SAMD4A: variants seen among roughly 807,000 people sequenced by gnomAD.
SAMD4A encodes protein Smaug homolog 1.
In SAMD4A, 33 loss-of-function variants were observed where a neutral mutation model predicts 81.3. The ratio of observed to expected loss-of-function variants is 0.41; its 90% CI spans 0.31 to 0.54. The LOEUF (loss-of-function observed/expected upper bound fraction) is 0.54. Among genes scored for constraint, SAMD4A ranks in the 20% least tolerant of loss-of-function variants. The pLI is 0.37. For missense variants in SAMD4A, 854 were observed against 951.1 expected, an observed-to-expected ratio of 0.90 and a Z score of 1.34; for synonymous variants, 389 against 382.1, an observed-to-expected ratio of 1.02 and a Z score of -0.21.
rs59867028 is a variant in SAMD4A at position 54,716,109 on chromosome 14, G to C, written c.715+13529G>C. On this transcript the variant is annotated intron_variant, in intron 3 of 12. Transcript: ENST00000554335. The stretch of plus-strand genomic sequence containing the variant: ...GAAGGCTCTTTGTTTTAAGAGATCT[G>C]ATAAATATTTAGCATGTTACTGGTC... Among the ~76,000 whole-genome samples, 2,232 of 152,268 alleles carry C rather than the reference G, an allele frequency of 0.015. 76 individuals carry two copies. The East Asian group carries it at 0.15, about 10-fold the overall frequency.
chr14:54,586,974 G>A (rs926595141), intron 2 of SAMD4A, among the ~76,000 whole-genome samples: 1 of 152,022 alleles, frequency 6.6e-6, no homozygotes, highest in Non-Finnish European at 1.5e-5. Context: ...AACGATGGTG[G>A]TATTTTGATG....
At chr14:54,624,696 A>G (rs1490149297) in intron 2 of SAMD4A, among the ~76,000 whole-genome samples, 2 of 152,264 alleles carry the variant, frequency 1.3e-5, no homozygotes, top group Non-Finnish European at 2.9e-5. Context: ...ATATGGCTAT[A>G]CAATTATCCT....
chr14:54,584,510 ACT>A (rs1016982064), intron 2 of SAMD4A, among the ~76,000 whole-genome samples: 1 of 152,278 alleles, frequency 6.6e-6, no homozygotes, highest in East Asian at 1.9e-4. Context: ...ATTAAAGAAG[ACT>A]CTGTCAAGTT....
intron 3 of SAMD4A, among the ~76,000 whole-genome samples, chr14:54,718,751 C>G (rs531506908): frequency 1.1e-4 from 17 of 152,178 alleles, no homozygotes; most frequent in African/African-American, 3.9e-4. Flanking sequence ...CGCCTGTAAT[C>G]CCAGCACTTT....
intron 2 of SAMD4A, among the ~76,000 whole-genome samples, chr14:54,677,801 A>G (rs571984145): frequency 2.0e-5 from 3 of 152,292 alleles, no homozygotes; most frequent in East Asian, 3.9e-4. Context: ...AAAGAGGAAC[A>G]TTCTCTCCTA....
At chr14:54,716,728 G>T (rs757372807) in intron 3 of SAMD4A, among the ~76,000 whole-genome samples, 4 of 152,144 alleles carry the variant, frequency 2.6e-5, no homozygotes, top group Admixed American at 6.5e-5. Context: ...TTGGCAATGT[G>T]TCTAACAGTC....
chr14:54,581,972 G>A (rs1037392235), intron 2 of SAMD4A, among the ~76,000 whole-genome samples: 1 of 152,148 alleles, frequency 6.6e-6, no homozygotes, highest in African/African-American at 2.4e-5. Flanking sequence ...ATTGTTCTTT[G>A]TTGTTATTAT....
At chr14:54,774,172 C>A (rs1247764873) in intron 9 of SAMD4A, among the ~76,000 whole-genome samples, 1 of 152,206 alleles carries the variant, frequency 6.6e-6, no homozygotes, top group African/African-American at 2.4e-5. Flanking sequence ...ACCTGCTGAG[C>A]CTGCGTGCCA....
At chr14:54,768,161 A>T (rs2038601452) in intron 8 of SAMD4A, among the ~76,000 whole-genome samples, 1 of 152,062 alleles carries the variant, frequency 6.6e-6, no homozygotes, top group Non-Finnish European at 1.5e-5. Flanking sequence ...TAGTTTAGAG[A>T]CCTTGAAGTC....
intron 2 of SAMD4A, among the ~76,000 whole-genome samples, chr14:54,602,755 C>G (rs987440071): frequency 3.3e-5 from 5 of 151,470 alleles, no homozygotes; most frequent in Non-Finnish European, 5.9e-5. Flanking sequence ...ATGTAACAAA[C>G]CTGCACGTTG....
At chr14:54,584,410 G>T (rs2033559772) in intron 2 of SAMD4A, among the ~76,000 whole-genome samples, 1 of 152,142 alleles carries the variant, frequency 6.6e-6, no homozygotes, top group African/African-American at 2.4e-5. Context: ...TCTATCAGAG[G>T]AGTTGCTGTT....
chr14:54,725,522 A>C (rs1480147793), intron 3 of SAMD4A, among the ~76,000 whole-genome samples: 1 of 152,228 alleles, frequency 6.6e-6, no homozygotes, highest in East Asian at 1.9e-4. Flanking sequence ...AAATCTGTGA[A>C]ACACTATCAA....
chr14:54,774,757 T>A (rs983301890), intron 9 of SAMD4A, among the ~76,000 whole-genome samples, 177 bp from the exon 10 acceptor site: 1 of 139,800 alleles, frequency 7.2e-6, no homozygotes, highest in Non-Finnish European at 1.5e-5. Flanking sequence ...AAGGCTGCAG[T>A]GAGCCTAGAT....
intron 4 of SAMD4A, among the ~76,000 whole-genome samples, chr14:54,748,502 G>T (rs1305738777): frequency 1.3e-5 from 2 of 152,102 alleles, no homozygotes; most frequent in Non-Finnish European, 2.9e-5. Flanking sequence ...CCTCTGCCCA[G>T]AAAACTCCCC....
rs141895781 is a variant in SAMD4A, at chr14:54,697,194, C to T, written c.197-4868C>T. 2.8e-4 allele frequency among the ~76,000 whole-genome samples: 43 copies of T among 152,286 alleles called. No individual in the cohort carries two copies. In the East Asian group the frequency reaches 6.6e-3, roughly 23 times the overall value. ...TTCCGTTTGAAGGTAGAGATGTTCACGCTTGTCAGCACCCTGGGGATACTC... is the reference window on the plus strand; with the variant it reads ...TTCCGTTTGAAGGTAGAGATGTTCATGCTTGTCAGCACCCTGGGGATACTC... On this transcript the variant is annotated intron_variant, in intron 2 of 12. Coordinates refer to ENST00000554335, the MANE Select transcript of SAMD4A (RefSeq NM_015589.6).
rs117718747 is a variant in SAMD4A at position 54,789,492 on chromosome 14, G to A, written c.*548G>A. On this transcript the variant is annotated 3_prime_UTR_variant, in exon 13 of 13. Transcript: ENST00000554335. ...CAGCCATAGGAGAGGGCCCATGGCAGTAGGGGAAAGAAGGAAGAAATTCCC... is the reference window on the plus strand; with the variant it reads ...CAGCCATAGGAGAGGGCCCATGGCAATAGGGGAAAGAAGGAAGAAATTCCC... 4.8e-3 allele frequency: 737 copies of A among 153,652 alleles called. 24 individuals are homozygous for A. Among genetic ancestry groups the A allele is most frequent in the Admixed American group, 0.04 (627 of 15,510 alleles). 9.5% of individuals were successfully genotyped at this position (153,652 alleles called of 1,614,324 possible). A position where few individuals can be genotyped will look rare whatever the true frequency, so the allele number is the denominator to read the frequency against.
intron 4 of SAMD4A, among the ~76,000 whole-genome samples, chr14:54,743,222 A>G (rs1198801589): frequency 6.6e-6 from 1 of 152,228 alleles, no homozygotes; most frequent in Admixed American, 6.5e-5. Flanking sequence ...GAAACTGGTC[A>G]TTATTTTCTT....
chr14:54,655,276 A>G (rs1379891875), intron 2 of SAMD4A, among the ~76,000 whole-genome samples: 1 of 152,168 alleles, frequency 6.6e-6, no homozygotes, highest in African/African-American at 2.4e-5. Flanking sequence ...AGTGGATGCT[A>G]GGGTGGCAAT....
chr14:54,707,101 ACT>A (rs2036879205), intron 3 of SAMD4A, among the ~76,000 whole-genome samples: 1 of 136,608 alleles, frequency 7.3e-6, no homozygotes. Flanking sequence ...ATATGGACAT[ACT>A]TTTTTTTTTT....
Sources: gnomAD v4.1 joint callset for allele counts (sites outside exome capture counted in the v4.1 genomes callset) on GRCh38, gnomAD v4.1.1 for gene constraint, MANE v1.5 for transcripts, NCBI Gene and HGNC (gene_info 2026-07-23, HGNC 2026-07-21) for gene names.